SENP6: variants seen among roughly 807,000 people sequenced by gnomAD.
SENP6 encodes sentrin-specific protease 6.
A neutral mutation model predicts 134.5 loss-of-function variants in SENP6; 41 were observed. That is an observed-to-expected ratio of 0.30 (90% CI 0.24 to 0.40). The LOEUF (loss-of-function observed/expected upper bound fraction) is 0.40. Ranked by LOEUF, SENP6 falls within the 10% of genes least tolerant of loss-of-function variation. SENP6 has a pLI of 1.00. For synonymous variants in SENP6, 395 were observed against 429.8 expected, an observed-to-expected ratio of 0.92 and a Z score of 1.00; for missense variants, 1,248 against 1,312.5, an observed-to-expected ratio of 0.95 and a Z score of 0.76.
intron 9 of SENP6, among the ~76,000 whole-genome samples, chr6:75,666,140 A>C (rs1772200447): frequency 8.6e-6 from 1 of 116,730 alleles, no homozygotes; most frequent in Admixed American, 1.1e-4. Flanking sequence ...CGTATATATG[A>C]TATATATAAA....
rs1473096955 is a variant in SENP6 at position 75,638,588 on chromosome 6, GTGTATATATATA to G, written c.459-2094_459-2083del. On this transcript the variant is annotated intron_variant, in intron 5 of 23. Transcript: ENST00000447266. The stretch of plus-strand genomic sequence containing the variant: ...TGTGTGTGTGTGTGTGTGTGTGTGT[GTGTATATATATA>G]TATATATATATATATATATATATTT... Among the ~76,000 whole-genome samples, 194 of 30,878 alleles carry G rather than the reference GTGTATATATATA, an allele frequency of 6.3e-3. 1 individual carries two copies. The highest frequency in any genetic ancestry group is 0.02 in the East Asian group (21 of 1,060). 20.3% of individuals were successfully genotyped at this position (30,878 alleles called of 152,430 possible). A position where few individuals can be genotyped will look rare whatever the true frequency, so the allele number is the denominator to read the frequency against.
intron 1 of SENP6, chr6:75,611,053 G>A (rs1364328744): frequency 7.8e-6 from 1 of 128,650 alleles, no homozygotes; most frequent in African/African-American, 2.8e-5. Flanking sequence ...TAACCTTGTT[G>A]TTTCATATAT....
At chr6:75,702,510 G>T in intron 18 of SENP6, 135 bp from the exon 19 acceptor site, 3 of 821,032 alleles carry the variant, frequency 3.7e-6, no homozygotes, top group Non-Finnish European at 5.5e-6. Flanking sequence ...GAGCTACTGC[G>T]CCCGGCCAGA....
At position 75,635,269 on chromosome 6, in the gene SENP6, C is replaced by G. The variant is rs537250531; in HGVS notation, c.458+458C>G. ...GTAGTTGTAGTTAGATTTAGGAGTTCTCATTGATCTTGAAAGTACTGCTTG... is the reference window on the plus strand; with the variant it reads ...GTAGTTGTAGTTAGATTTAGGAGTTGTCATTGATCTTGAAAGTACTGCTTG... On this transcript the variant is annotated intron_variant, in intron 5 of 23. Coordinates refer to ENST00000447266, the MANE Select transcript of SENP6 (RefSeq NM_015571.4). 2.0e-5 allele frequency among the ~76,000 whole-genome samples: 3 copies of G among 152,202 alleles called. No individual in the cohort carries two copies. The East Asian group carries it at 5.8e-4, about 29-fold the overall frequency.
chr6:75,623,860 G>T, intron 2 of SENP6, 40 bp from the exon 3 acceptor site: 1 of 1,515,788 alleles, frequency 6.6e-7, no homozygotes, highest in South Asian at 1.2e-5. Context: ...TAAGGATTGT[G>T]ATTGCTACTT....
chr6:75,672,482 T>G (rs750035349), intron 11 of SENP6, among the ~76,000 whole-genome samples: 3 of 152,198 alleles, frequency 2.0e-5, no homozygotes, highest in Non-Finnish European at 4.4e-5. Context: ...AAATGAAATA[T>G]TCCAGCCAAA....
Position 75,715,628 on chromosome 6 carries a change from AACT to A in SENP6, c.*36_*38del, listed in dbSNP as rs1294219493. On this transcript the variant is annotated 3_prime_UTR_variant, in exon 24 of 24. Transcript: ENST00000447266. ...GTTACTTGTCATTTCTACTTTCAGA[AACT>A]AAATGACTTTCAAATTTGGGTATAG... is the stretch of plus-strand genomic sequence containing the variant. 4 of 1,539,486 alleles carry A rather than the reference AACT, an allele frequency of 2.6e-6. No homozygotes were observed. The South Asian group carries it at 4.6e-5, about 18-fold the overall frequency.
At chr6:75,696,292 C>T (rs1774657284) in intron 17 of SENP6, among the ~76,000 whole-genome samples, 1 of 151,920 alleles carries the variant, frequency 6.6e-6, no homozygotes, top group Non-Finnish European at 1.5e-5. Flanking sequence ...TAGTGTTTCC[C>T]AAATGTGACT....
chr6:75,635,032 G>C, intron 5 of SENP6: 1 of 616,904 alleles, frequency 1.6e-6, no homozygotes, highest in Middle Eastern at 2.6e-4. Context: ...AAGACCTGTT[G>C]TATTGCATTA....
intron 3 of SENP6, among the ~76,000 whole-genome samples, chr6:75,629,227 C>T (rs1036162803): frequency 4.6e-5 from 7 of 152,164 alleles, no homozygotes; most frequent in African/African-American, 1.7e-4. Flanking sequence ...TAACCAAATA[C>T]TCTCAGAAGT....
At chr6:75,708,155 G>C (rs1412049862) in intron 19 of SENP6, among the ~76,000 whole-genome samples, 1 of 152,120 alleles carries the variant, frequency 6.6e-6, no homozygotes, top group Non-Finnish European at 1.5e-5. Context: ...TGTTGCCTGG[G>C]TTCAAGCAAT....
intron 18 of SENP6, among the ~76,000 whole-genome samples, chr6:75,702,337 C>T (rs1775093299): frequency 6.6e-6 from 1 of 151,596 alleles, no homozygotes; most frequent in Non-Finnish European, 1.5e-5. Flanking sequence ...CCTGCCTCAG[C>T]CTACTGAGTA....
rs1361661773 is a variant in SENP6 at position 75,716,728 on chromosome 6, T to A, written c.*1134T>A. On this transcript the variant is annotated 3_prime_UTR_variant, in exon 24 of 24. Coordinates refer to ENST00000447266, the MANE Select transcript of SENP6 (RefSeq NM_015571.4). ...ATTATTTTTCAAATGAAATGGTGTA[T>A]ACTTCTTTCAAATGAACTTTGAGAC... 5 of 152,132 alleles carry A rather than the reference T, an allele frequency of 3.3e-5. No individual in the cohort carries two copies. The East Asian group carries it at 9.6e-4, about 29-fold the overall frequency. 9.4% of individuals were successfully genotyped at this position (152,132 alleles called of 1,614,324 possible). A position where few individuals can be genotyped will look rare whatever the true frequency, so the allele number is the denominator to read the frequency against.
chr6:75,675,584 A>G (rs970196611), intron 12 of SENP6, 116 bp downstream of exon 12: 60 of 702,832 alleles, frequency 8.5e-5, no homozygotes, highest in Non-Finnish European at 1.3e-4. Context: ...GTTGTTACAT[A>G]TATCTTCTTA....
rs770850005 is a variant in SENP6 at position 75,634,804 on chromosome 6, G to T, written c.451G>T (p.Ala151Ser). 6.3e-7 allele frequency: 1 copy of T among 1,589,212 alleles called. No individual in the cohort carries two copies. Among genetic ancestry groups the T allele is most frequent in the Non-Finnish European group, 8.6e-7 (1 of 1,166,668 alleles). Residue 151 changes from alanine to serine, a missense_variant, in exon 5 of 24, where the codon GCC becomes TCC. Ala to Ser is a moderately conservative substitution (Grantham distance 99). Coordinates refer to ENST00000447266, the MANE Select transcript of SENP6 (RefSeq NM_015571.4). ...HAQIPVVKTA[A>S]QSSLDRKERK... ...ACAGATACCAGTAGTAAAAACAGCA[G>T]CCCAAAGGTAAGAATTCTAATTGTC...
chr6:75,693,376 C>T (rs1774421833), intron 16 of SENP6, among the ~76,000 whole-genome samples: 1 of 148,420 alleles, frequency 6.7e-6, no homozygotes. Context: ...TGCACTGCAG[C>T]CTGGGAGACA....
At chr6:75,676,090 T>C in intron 13 of SENP6, 36 bp downstream of exon 13, 1 of 1,375,638 alleles carries the variant, frequency 7.3e-7, no homozygotes, top group Non-Finnish European at 9.8e-7. Context: ...TAGATAATAA[T>C]AGATACTGTA....
chr6:75,679,264 A>G (rs1288494888), intron 16 of SENP6: 1 of 222,788 alleles, frequency 4.5e-6, no homozygotes, highest in South Asian at 6.9e-5. Context: ...AAATTTAAAA[A>G]TTAGCCAGTC....
intron 6 of SENP6, chr6:75,646,496 C>T (rs1441775409): frequency 2.6e-5 from 4 of 152,106 alleles, no homozygotes; most frequent in Admixed American, 2.0e-4. Flanking sequence ...TTAATAAATA[C>T]AAAGCACACA....
Sources: gnomAD v4.1 joint callset for allele counts (sites outside exome capture counted in the v4.1 genomes callset) on GRCh38, gnomAD v4.1.1 for gene constraint, MANE v1.5 for transcripts, NCBI Gene and HGNC (gene_info 2026-07-23, HGNC 2026-07-21) for gene names.